TMEM132D: variants seen among roughly 807,000 people sequenced by gnomAD.
TMEM132D encodes the protein mature OL transmembrane protein.
In TMEM132D, 21 loss-of-function variants were observed where a neutral mutation model predicts 62.3. The ratio of observed to expected loss-of-function variants is 0.34; its 90% CI spans 0.24 to 0.49. The LOEUF (loss-of-function observed/expected upper bound fraction) is 0.49. TMEM132D is among the 20% of genes least tolerant of loss of function. The probability of loss-of-function intolerance (pLI) is 0.99; values close to 1 mark genes in which losing one functional copy is unlikely to be tolerated. For missense variants in TMEM132D, 1,346 were observed against 1,402.8 expected, an observed-to-expected ratio of 0.96 and a Z score of 0.65; for synonymous variants, 621 against 575.6, an observed-to-expected ratio of 1.08 and a Z score of -1.13.
chr12:129,724,038 A>C (rs1039076319), intron 1 of TMEM132D, among the ~76,000 whole-genome samples: 2 of 152,168 alleles, frequency 1.3e-5, no homozygotes, highest in African/African-American at 2.4e-5. Context: ...GGGTCCAATA[A>C]CATCACCAGG....
chr12:129,239,789 C>T (rs190030214), intron 4 of TMEM132D, among the ~76,000 whole-genome samples: 7 of 152,302 alleles, frequency 4.6e-5, no homozygotes, highest in African/African-American at 7.2e-5. Flanking sequence ...TCTGCTAACA[C>T]ATTGATTTCA....
intron 4 of TMEM132D, among the ~76,000 whole-genome samples, chr12:129,304,998 A>G (rs1881814225): frequency 6.6e-6 from 1 of 152,174 alleles, no homozygotes; most frequent in Non-Finnish European, 1.5e-5. Flanking sequence ...AACCTTTGCC[A>G]ACTACAATAT....
At chr12:129,662,284 T>C (rs1462479565) in intron 2 of TMEM132D, among the ~76,000 whole-genome samples, 1 of 152,194 alleles carries the variant, frequency 6.6e-6, no homozygotes, top group Non-Finnish European at 1.5e-5. Flanking sequence ...GTGTTTCTGT[T>C]ACAGGCAAGG....
At position 129,278,325 on chromosome 12, in the gene TMEM132D, C is replaced by T. The variant is rs560538347; in HGVS notation, c.1299+59309G>A. On this transcript the variant is annotated intron_variant, in intron 4 of 8. Coordinates refer to ENST00000422113, the MANE Select transcript of TMEM132D (RefSeq NM_133448.3). ...GTCACCATGCACATGAAACGCAGAC[C>T]ACACTGAACATATACAGTCCAGGCT... Among the ~76,000 whole-genome samples, 11 of 152,236 alleles carry T rather than the reference C, an allele frequency of 7.2e-5. No individual in the cohort carries two copies. In the South Asian group the frequency reaches 2.3e-3, roughly 32 times the overall value.
At chr12:129,709,553 G>C (rs1003661883) in intron 1 of TMEM132D, among the ~76,000 whole-genome samples, 1 of 152,140 alleles carries the variant, frequency 6.6e-6, no homozygotes, top group Non-Finnish European at 1.5e-5. Context: ...GAAGCAAAAG[G>C]TTCCCAAAGG....
chr12:129,893,755 T>C lies in TMEM132D; in HGVS notation c.79+9506A>G, dbSNP rs537988354. 4.6e-4 allele frequency among the ~76,000 whole-genome samples: 70 copies of C among 152,370 alleles called. 1 individual carries two copies. Among genetic ancestry groups the C allele is most frequent in the African/African-American group, 1.7e-3 (69 of 41,596 alleles). ...AATACTTTATTTGTCCTATAAATTA[T>C]AATTGTGTGAACTGAGCCAGCAAGA... On this transcript the variant is annotated intron_variant, in intron 1 of 8. Coordinates refer to ENST00000422113, the MANE Select transcript of TMEM132D (RefSeq NM_133448.3).
chr12:129,575,647 AC>A (rs1877640457), intron 2 of TMEM132D, among the ~76,000 whole-genome samples: 1 of 151,722 alleles, frequency 6.6e-6, no homozygotes. Flanking sequence ...GTCAGATTGG[AC>A]TTTTTAATGA....
chr12:129,390,207 G>C (rs903208250), intron 3 of TMEM132D, among the ~76,000 whole-genome samples: 1 of 152,236 alleles, frequency 6.6e-6, no homozygotes, highest in African/African-American at 2.4e-5. Flanking sequence ...CCACGGGCCA[G>C]TTCGGGTCCT....
At chr12:129,155,081 G>A (rs1390639546) in intron 5 of TMEM132D, among the ~76,000 whole-genome samples, 1 of 152,346 alleles carries the variant, frequency 6.6e-6, no homozygotes, top group Non-Finnish European at 1.5e-5. Flanking sequence ...TTGGTATAAA[G>A]CACACACATC....
intron 1 of TMEM132D, among the ~76,000 whole-genome samples, chr12:129,764,839 G>T (rs1166416961): frequency 6.6e-6 from 1 of 152,164 alleles, no homozygotes; most frequent in Non-Finnish European, 1.5e-5. Flanking sequence ...TACTCAGGAG[G>T]TTGAGGTAGG....
chr12:129,075,197 C>T lies in TMEM132D; in HGVS notation c.2116-138G>A, dbSNP rs183674513. 1.2e-4 allele frequency: 80 copies of T among 684,834 alleles called. No homozygotes were observed. In the East Asian group the frequency reaches 1.4e-3, roughly 12 times the overall value. 42.4% of individuals were successfully genotyped at this position (684,834 alleles called of 1,614,324 possible). A position where few individuals can be genotyped will look rare whatever the true frequency, so the allele number is the denominator to read the frequency against. ...ACCTTTCAAACAGTGTAGAAATAAGCGATAAGAAGTACCAAGAGTATAAAA... is the reference window on the plus strand; with the variant it reads ...ACCTTTCAAACAGTGTAGAAATAAGTGATAAGAAGTACCAAGAGTATAAAA... On this transcript the variant is annotated intron_variant, in intron 8 of 8. Transcript: ENST00000422113.
At chr12:129,268,015 C>A (rs12425841) in intron 4 of TMEM132D, among the ~76,000 whole-genome samples, 36,082 of 152,082 alleles carry the variant, frequency 0.24, 4,415 homozygotes, top group Middle Eastern at 0.29. Context: ...CTTCCTTACA[C>A]CTTATACAAA....
chr12:129,182,175 A>C (rs940972498), intron 5 of TMEM132D, among the ~76,000 whole-genome samples: 7 of 152,188 alleles, frequency 4.6e-5, no homozygotes, highest in African/African-American at 1.7e-4. Context: ...CAGCCTGACC[A>C]ACATGGTGAA....
intron 8 of TMEM132D, 138 bp from the exon 9 acceptor site, chr12:129,075,197 C>A: frequency 1.5e-6 from 1 of 684,834 alleles, no homozygotes; most frequent in South Asian, 2.3e-5. Context: ...TAGAAATAAG[C>A]GATAAGAAGT....
At chr12:129,719,177 T>A (rs1846592854) in intron 1 of TMEM132D, among the ~76,000 whole-genome samples, 2 of 151,792 alleles carry the variant, frequency 1.3e-5, no homozygotes, top group Non-Finnish European at 2.9e-5. Flanking sequence ...GAGAATCACT[T>A]GAGCCCAGGA....
intron 1 of TMEM132D, among the ~76,000 whole-genome samples, chr12:129,815,022 C>T (rs1872304336): frequency 6.6e-6 from 1 of 152,174 alleles, no homozygotes; most frequent in African/African-American, 2.4e-5. Context: ...AATCTGTGGT[C>T]AATCTCCCTC....
intron 3 of TMEM132D, among the ~76,000 whole-genome samples, chr12:129,475,217 C>T (rs963406888): frequency 1.3e-5 from 2 of 152,166 alleles, no homozygotes; most frequent in African/African-American, 4.8e-5. Context: ...AGAAGTCAGA[C>T]TCAGCTGAAC....
intron 4 of TMEM132D, among the ~76,000 whole-genome samples, chr12:129,221,653 G>A (rs1835273939): frequency 6.6e-6 from 1 of 151,978 alleles, no homozygotes; most frequent in African/African-American, 2.4e-5. Flanking sequence ...TCCTCAATGT[G>A]TCCTCCTAAC....
intron 1 of TMEM132D, among the ~76,000 whole-genome samples, chr12:129,756,755 T>G (rs1565975023): frequency 6.6e-6 from 1 of 152,206 alleles, no homozygotes; most frequent in Non-Finnish European, 1.5e-5. Flanking sequence ...TAAAGAAGAA[T>G]TCTATTGAGT....
Sources: gnomAD v4.1 joint callset for allele counts (sites outside exome capture counted in the v4.1 genomes callset) on GRCh38, gnomAD v4.1.1 for gene constraint, MANE v1.5 for transcripts, NCBI Gene and HGNC (gene_info 2026-07-23, HGNC 2026-07-21) for gene names.